DNAH7: variants seen among roughly 807,000 people sequenced by gnomAD.
The protein encoded by DNAH7 is axonemal beta dynein heavy chain 7.
DNAH7 carries 397 observed loss-of-function variants against 444.6 expected under a neutral mutation model. The observed-to-expected ratio is 0.89, with a 90% CI of 0.82 to 0.97. DNAH7 has a LOEUF of 0.97. Ranked by LOEUF, DNAH7 falls within the 50% of genes least tolerant of loss-of-function variation. DNAH7 has a pLI of 0.00. For synonymous variants in DNAH7, 1,636 were observed against 1,624.4 expected (o/e 1.01, Z -0.17); for missense variants, 4,902 against 4,800.8 (o/e 1.02, Z -0.62).
At chr2:196,055,642 TGAG>T (rs1259220498) in intron 2 of DNAH7, among the ~76,000 whole-genome samples, 2 of 152,118 alleles carry the variant, frequency 1.3e-5, no homozygotes, top group African/African-American at 4.8e-5. Context: ...TTGGGGAGAA[TGAG>T]GGTGTGGCAA....
intron 5 of DNAH7, among the ~76,000 whole-genome samples, chr2:196,046,170 G>A (rs1490971865): frequency 6.6e-6 from 1 of 152,152 alleles, no homozygotes; most frequent in African/African-American, 2.4e-5. Context: ...AGAAAAATCA[G>A]GAGGAAAATA....
At chr2:195,925,403 T>A (rs1284514254) in intron 22 of DNAH7, among the ~76,000 whole-genome samples, 1 of 152,064 alleles carries the variant, frequency 6.6e-6, no homozygotes, top group Non-Finnish European at 1.5e-5. Flanking sequence ...TTCTCTGGAC[T>A]CACTGAGGAA....
chr2:196,028,435 T>C (rs920109870), intron 5 of DNAH7, among the ~76,000 whole-genome samples: 3 of 152,222 alleles, frequency 2.0e-5, no homozygotes, highest in African/African-American at 7.2e-5. Context: ...TGGAAAGTAC[T>C]TTAAACACAG....
At chr2:195,883,345 G>A (rs964680501) in intron 35 of DNAH7, among the ~76,000 whole-genome samples, 8 of 152,090 alleles carry the variant, frequency 5.3e-5, no homozygotes. Flanking sequence ...TACTCGGAGA[G>A]GCTGAGGCAG....
intron 63 of DNAH7, among the ~76,000 whole-genome samples, chr2:195,750,473 G>GA (rs1026046671): frequency 2.2e-4 from 34 of 152,178 alleles, no homozygotes; most frequent in African/African-American, 7.9e-4. Context: ...AAAAGAACTA[G>GA]AAAAAAATTC....
Position 195,781,133 on chromosome 2 carries a change from T to G in DNAH7, c.10879-3148A>C, listed in dbSNP as rs910882261. On this transcript the variant is annotated intron_variant, in intron 58 of 64. Coordinates refer to ENST00000312428, the MANE Select transcript of DNAH7 (RefSeq NM_018897.3). ...TGCAGAACATTTATATGCTTCCAAC[T>G]GCAAATGTGAGTGGAGTTTGATGAT... is the stretch of plus-strand genomic sequence containing the variant. Among the ~76,000 whole-genome samples the G allele has an allele frequency of 3.3e-5, 5 of 151,986 alleles. No individual in the cohort carries two copies. In the South Asian group the frequency reaches 6.2e-4, roughly 19 times the overall value.
chr2:195,774,859 AATAGG>A (rs1471952530), intron 60 of DNAH7, among the ~76,000 whole-genome samples: 6 of 152,310 alleles, frequency 3.9e-5, no homozygotes, highest in Non-Finnish European at 7.4e-5. Context: ...CAATTCAGTT[AATAGG>A]ATAATTTGCT....
chr2:195,849,756 C>A, intron 46 of DNAH7, among the ~76,000 whole-genome samples: 1 of 152,050 alleles, frequency 6.6e-6, no homozygotes, highest in African/African-American at 2.4e-5. Context: ...CACACACCAC[C>A]ATGCCCGGAT....
chr2:195,941,451 CAAAAA>C (rs1207029040), intron 19 of DNAH7, among the ~76,000 whole-genome samples: 2 of 56,774 alleles, frequency 3.5e-5, no homozygotes, highest in Admixed American at 2.0e-4. Flanking sequence ...ACCTAGATGA[CAAAAA>C]AAAAAAAAAA....
rs371752428 is a variant in DNAH7 at position 195,888,760 on chromosome 2, T to C, written c.5229+39A>G. 366 of 1,576,462 alleles carry C rather than the reference T, an allele frequency of 2.3e-4. 8 individuals carry two copies. The South Asian group carries it at 4.1e-3, about 18-fold the overall frequency. On this transcript the variant is annotated intron_variant, in intron 32 of 64. Transcript: ENST00000312428. ...AAGCAAATACATGCATTTATAACAT[T>C]TTATAATTTATAAAAAGATGTCAAA... is the stretch of plus-strand genomic sequence containing the variant.
chr2:195,907,919 A>T (rs1687132360), intron 25 of DNAH7, among the ~76,000 whole-genome samples: 1 of 152,122 alleles, frequency 6.6e-6, no homozygotes, highest in Non-Finnish European at 1.5e-5. Flanking sequence ...GATCACAGAG[A>T]ACAGAATGCT....
chr2:195,768,574 A>T (rs1430224649), intron 61 of DNAH7, among the ~76,000 whole-genome samples: 2 of 151,986 alleles, frequency 1.3e-5, no homozygotes, highest in African/African-American at 4.8e-5. Flanking sequence ...AGGATAAAGA[A>T]GATTTAACAT....
At chr2:195,997,838 T>C (rs893160920) in intron 12 of DNAH7, among the ~76,000 whole-genome samples, 2 of 152,168 alleles carry the variant, frequency 1.3e-5, no homozygotes, top group Non-Finnish European at 2.9e-5. Flanking sequence ...GGGCATCATC[T>C]AGGCATATTT....
chr2:196,042,302 T>C (rs1427250433), intron 5 of DNAH7, among the ~76,000 whole-genome samples: 1 of 151,964 alleles, frequency 6.6e-6, no homozygotes, highest in Admixed American at 6.6e-5. Flanking sequence ...AAAGAAATAA[T>C]AAATATTTGA....
rs539427409 is a variant in DNAH7, at chr2:195,907,932, G to A, written c.4105-923C>T. Among the ~76,000 whole-genome samples, 16 of 152,062 alleles carry A rather than the reference G, an allele frequency of 1.1e-4. No individual in the cohort carries two copies. In the South Asian group the frequency reaches 2.5e-3, roughly 24 times the overall value. On this transcript the variant is annotated intron_variant, in intron 25 of 64. Transcript: ENST00000312428. The stretch of plus-strand genomic sequence containing the variant: ...CAGATCACAGAGAACAGAATGCTTT[G>A]GATGTCATATTCAAGCAGTTATATA...
chr2:195,847,212 C>G (rs905279805), intron 46 of DNAH7, among the ~76,000 whole-genome samples: 1 of 150,070 alleles, frequency 6.7e-6, no homozygotes, highest in African/African-American at 2.5e-5. Flanking sequence ...CTAGAGAATC[C>G]TAACACACAT....
Position 195,906,698 on chromosome 2 carries a change from A to G in DNAH7, c.4296T>C (p.Pro1432=). ...GCAGTTCTGATCGCCCAGCATACCC[A>G]GGGTTCATTGTTATAAAGACAGCAC... The part of the protein sequence containing the change: ...PTCAVFITMN[P]GYAGRSELPD... The change falls in exon 27 of 65, where the codon CCT becomes CCC. Residue 1432 remains proline, a synonymous_variant. Transcript: ENST00000312428. 6.2e-7 allele frequency: 1 copy of G among 1,613,392 alleles called. No individual in the cohort carries two copies. The highest frequency in any genetic ancestry group is 8.5e-7 in the Non-Finnish European group (1 of 1,179,538).
At chr2:195,845,847 C>G (rs1391932987) in intron 46 of DNAH7, among the ~76,000 whole-genome samples, 1 of 152,142 alleles carries the variant, frequency 6.6e-6, no homozygotes, top group African/African-American at 2.4e-5. Flanking sequence ...ACGCCATATA[C>G]AAAAATCAAC....
chr2:195,804,950 TA>T (rs1448008141), intron 54 of DNAH7, among the ~76,000 whole-genome samples: 2 of 152,084 alleles, frequency 1.3e-5, no homozygotes, highest in African/African-American at 4.8e-5. Flanking sequence ...GAAAGAAGTA[TA>T]AAACCATAAA....
Sources: gnomAD v4.1 joint callset for allele counts (sites outside exome capture counted in the v4.1 genomes callset) on GRCh38, gnomAD v4.1.1 for gene constraint, MANE v1.5 for transcripts, NCBI Gene and HGNC (gene_info 2026-07-23, HGNC 2026-07-21) for gene names.